The following TNIK variants were observed in gnomAD, a reference collection of about 807,000 sequenced individuals.
TNIK encodes the protein TRAF2 and NCK-interacting protein kinase.
A neutral mutation model predicts 191.3 loss-of-function variants in TNIK; 49 were observed. The observed-to-expected ratio is 0.26, with a 90% CI of 0.20 to 0.32. TNIK has a LOEUF of 0.32. TNIK is among the 10% of genes least tolerant of loss of function. The pLI is 1.00. For synonymous variants in TNIK, 594 were observed against 600.9 expected (o/e 0.99, Z 0.17); for missense variants, 1,155 against 1,702.3 (o/e 0.68, Z 5.66).
At chr3:171,217,055 T>C (rs933104686) in intron 3 of TNIK, among the ~76,000 whole-genome samples, 3 of 151,990 alleles carry the variant, frequency 2.0e-5, no homozygotes, top group African/African-American at 7.3e-5. Context: ...TAGGTATATA[T>C]CCAAAAGCAA....
At chr3:171,223,433 A>AT (rs1226949272) in intron 3 of TNIK, among the ~76,000 whole-genome samples, 1 of 152,212 alleles carries the variant, frequency 6.6e-6, no homozygotes, top group Non-Finnish European at 1.5e-5. Flanking sequence ...CATAAAGTAG[A>AT]TTTTAGTAAA....
chr3:171,263,618 G>GGAAA (rs1747961350), intron 2 of TNIK, among the ~76,000 whole-genome samples: 1 of 151,900 alleles, frequency 6.6e-6, no homozygotes, highest in Non-Finnish European at 1.5e-5. Context: ...TTTTCCTTTA[G>GGAAA]GAATTTTTCC....
At chr3:171,339,835 GGT>G (rs1757335681) in intron 2 of TNIK, among the ~76,000 whole-genome samples, 1 of 152,192 alleles carries the variant, frequency 6.6e-6, no homozygotes, top group African/African-American at 2.4e-5. Flanking sequence ...GCACCTGCAA[GGT>G]GTGTTTGTTG....
In TNIK at chr3:171,412,870, A is replaced by AT. The variant is rs994557776; in HGVS notation, c.58-43186dup. On this transcript the variant is annotated intron_variant, in intron 1 of 32. Coordinates refer to ENST00000436636, the MANE Select transcript of TNIK (RefSeq NM_015028.4). ...TGTAGGTTTTCAATCAATGGTAACTATTTTTTTGTTATGCAGACCAGAGGG... is the reference window on the plus strand; with the variant it reads ...TGTAGGTTTTCAATCAATGGTAACTATTTTTTTTGTTATGCAGACCAGAGGG... Among the ~76,000 whole-genome samples the AT allele has an allele frequency of 2.6e-5, 4 of 152,290 alleles. No individual in the cohort carries two copies. In the East Asian group the frequency reaches 5.8e-4, roughly 22 times the overall value.
chr3:171,104,369 T>TTCTTGGTAATTTATTACTTGGCTG (rs1724284570), intron 21 of TNIK, among the ~76,000 whole-genome samples: 3 of 151,668 alleles, frequency 2.0e-5, no homozygotes, highest in Non-Finnish European at 4.4e-5. Context: ...ATAATGAGCC[T>TTCTTGGTAATTTATTACTTGGCTG]TCTTGGTAAT....
intron 2 of TNIK, among the ~76,000 whole-genome samples, chr3:171,300,953 G>T (rs940233494): frequency 1.3e-5 from 2 of 152,098 alleles, no homozygotes; most frequent in African/African-American, 2.4e-5. Context: ...AATGATTCAG[G>T]CAAGAATTCT....
intron 2 of TNIK, among the ~76,000 whole-genome samples, chr3:171,344,670 G>A (rs1250794054): frequency 6.6e-6 from 1 of 152,030 alleles, no homozygotes; most frequent in Non-Finnish European, 1.5e-5. Context: ...ATGGAACAGT[G>A]TTTAACCCAC....
chr3:171,420,142 C>CGAAA (rs1723580396), intron 1 of TNIK, among the ~76,000 whole-genome samples: 2 of 152,144 alleles, frequency 1.3e-5, no homozygotes, highest in Non-Finnish European at 2.9e-5. Flanking sequence ...GTTTTTATTT[C>CGAAA]AACCGATGTT....
Position 171,327,900 on chromosome 3 carries a change from TA to T in TNIK, c.123+41719del, listed in dbSNP as rs71634497. Among the ~76,000 whole-genome samples the T allele has an allele frequency of 8.8e-3, 702 of 79,486 alleles. 5 individuals carry two copies. The highest frequency in any genetic ancestry group is 0.019 in the African/African-American group (458 of 24,358). 52.1% of individuals were successfully genotyped at this position (79,486 alleles called of 152,430 possible). On this transcript the variant is annotated intron_variant, in intron 2 of 32. Transcript: ENST00000436636. ...ATCTGTGGCTCCCAAACCTGGCTCATAAAAAAAAAAAAAAAAAAAAAAAAAA... is the reference window on the plus strand; with the variant it reads ...ATCTGTGGCTCCCAAACCTGGCTCATAAAAAAAAAAAAAAAAAAAAAAAAA...
intron 11 of TNIK, among the ~76,000 whole-genome samples, chr3:171,161,040 G>C (rs949664109): frequency 2.0e-5 from 3 of 152,168 alleles, no homozygotes; most frequent in African/African-American, 7.2e-5. Flanking sequence ...TTACGATAGA[G>C]ACCATAAATC....
At chr3:171,340,210 A>G (rs1757381114) in intron 2 of TNIK, among the ~76,000 whole-genome samples, 1 of 152,230 alleles carries the variant, frequency 6.6e-6, no homozygotes, top group Admixed American at 6.5e-5. Flanking sequence ...AAAGGCCAGC[A>G]ATAGTCTCTA....
At chr3:171,091,176 T>C (rs1385566670) in intron 23 of TNIK, among the ~76,000 whole-genome samples, 1 of 152,202 alleles carries the variant, frequency 6.6e-6, no homozygotes, top group African/African-American at 2.4e-5. Flanking sequence ...GCAATTAGCA[T>C]TTAATTGGTA....
At chr3:171,283,228 G>C (rs2109266421) in intron 2 of TNIK, among the ~76,000 whole-genome samples, 1 of 150,868 alleles carries the variant, frequency 6.6e-6, no homozygotes, top group South Asian at 2.1e-4. Context: ...TTCGTGTCTG[G>C]AGAGAAGGAA....
intron 2 of TNIK, among the ~76,000 whole-genome samples, chr3:171,361,765 G>A (rs2108470720): frequency 6.6e-6 from 1 of 152,214 alleles, no homozygotes; most frequent in South Asian, 2.1e-4. Context: ...GACAATAGCA[G>A]TAATCAAACC....
intron 2 of TNIK, among the ~76,000 whole-genome samples, chr3:171,345,168 CT>C (rs1383969485): frequency 6.6e-6 from 1 of 152,160 alleles, no homozygotes; most frequent in Non-Finnish European, 1.5e-5. Flanking sequence ...CCCCCTTTTA[CT>C]TACTGAAATG....
chr3:171,300,594 T>C (rs370479125), intron 2 of TNIK, among the ~76,000 whole-genome samples: 7 of 152,320 alleles, frequency 4.6e-5, no homozygotes, highest in African/African-American at 1.7e-4. Flanking sequence ...AAATGCTGCA[T>C]GCTGATAAAA....
At chr3:171,140,202 T>C (rs1730616094) in intron 13 of TNIK, among the ~76,000 whole-genome samples, 197 bp downstream of exon 13, 1 of 152,108 alleles carries the variant, frequency 6.6e-6, no homozygotes, top group South Asian at 2.1e-4. Context: ...TCTGTCTGGG[T>C]AGAAAGCAAG....
rs1440385020 is a variant in TNIK at position 171,460,142 on chromosome 3, C to A, written c.-79G>T. The A allele has an allele frequency of 3.9e-6, 6 of 1,532,042 alleles. No individual in the cohort carries two copies. In the African/African-American group the frequency reaches 5.5e-5, roughly 14 times the overall value. 94.9% of individuals were successfully genotyped at this position (1,532,042 alleles called of 1,614,324 possible). A position where few individuals can be genotyped will look rare whatever the true frequency, so the allele number is the denominator to read the frequency against. On this transcript the variant is annotated 5_prime_UTR_variant, in exon 1 of 33. Transcript: ENST00000436636. This position sits in a 1 kb window ranked among gnomAD's most constrained non-coding sequence, Gnocchi z 6.8. ...GGAAATTCCACCTTGGTCTATTTCA[C>A]TCGCGTCCTCATGCGGGTGTCGCGC...
intron 1 of TNIK, among the ~76,000 whole-genome samples, chr3:171,399,070 C>T (rs1488516193): frequency 6.6e-6 from 1 of 152,176 alleles, no homozygotes; most frequent in African/African-American, 2.4e-5. Context: ...GAGGTAAGCA[C>T]AATGTCTGAC....
Sources: allele counts gnomAD v4.1 joint callset (sites outside exome capture counted in the v4.1 genomes callset), GRCh38; gene constraint gnomAD v4.1.1; non-coding constraint Gnocchi (gnomAD v3.1); transcripts MANE v1.5; gene names NCBI Gene and HGNC (gene_info 2026-07-23, HGNC 2026-07-21).